The following ADAM18 variants were observed in gnomAD, a reference collection of about 807,000 sequenced individuals.
ADAM18 encodes disintegrin and metalloproteinase domain-containing protein 18.
In ADAM18, 117 loss-of-function variants were observed where a neutral mutation model predicts 94.4. That is an observed-to-expected ratio of 1.24 (90% CI 1.07 to 1.45). The LOEUF (loss-of-function observed/expected upper bound fraction) is 1.45. Ranked by LOEUF, ADAM18 falls within the 40% of genes most tolerant of loss-of-function variation. The pLI is 0.00. For missense variants in ADAM18, 936 were observed against 880.0 expected, an observed-to-expected ratio of 1.06 and a Z score of -0.81; for synonymous variants, 327 against 291.6, an observed-to-expected ratio of 1.12 and a Z score of -1.24.
At chr8:39,689,764 T>C (rs1316447940) in intron 16 of ADAM18, among the ~76,000 whole-genome samples, 8 of 152,332 alleles carry the variant, frequency 5.3e-5, no homozygotes, top group Admixed American at 2.6e-4. Context: ...GAGAGTGACA[T>C]TGAACCTAAA....
intron 12 of ADAM18, among the ~76,000 whole-genome samples, chr8:39,656,733 CAGACT>C (rs1820694971): frequency 6.6e-6 from 1 of 152,034 alleles, no homozygotes; most frequent in African/African-American, 2.4e-5. Context: ...AAGAAAATGA[CAGACT>C]TTCAGAGAAA....
intron 18 of ADAM18, 123 bp from the exon 19 acceptor site, chr8:39,723,625 C>A: frequency 1.7e-6 from 1 of 586,886 alleles, no homozygotes; most frequent in South Asian, 5.7e-5. Context: ...TTCTATTTTT[C>A]CTAGTAGTTT....
intron 14 of ADAM18, among the ~76,000 whole-genome samples, chr8:39,672,161 G>A (rs1410425039): frequency 1.3e-5 from 2 of 152,088 alleles, no homozygotes; most frequent in Non-Finnish European, 2.9e-5. Context: ...CAGGGAAGTG[G>A]GAATACTGTA....
At chr8:39,716,788 A>G (rs1329771474) in intron 18 of ADAM18, among the ~76,000 whole-genome samples, 1 of 151,836 alleles carries the variant, frequency 6.6e-6, no homozygotes, top group African/African-American at 2.4e-5. Flanking sequence ...ATTATTGAAC[A>G]TGTGACATTG....
intron 17 of ADAM18, among the ~76,000 whole-genome samples, chr8:39,705,717 AGAG>A (rs1442491316): frequency 6.6e-6 from 1 of 152,204 alleles, no homozygotes; most frequent in Non-Finnish European, 1.5e-5. Flanking sequence ...TATGTAGAAA[AGAG>A]GTAATCAATT....
intron 17 of ADAM18, among the ~76,000 whole-genome samples, chr8:39,706,401 T>C (rs1822242856): frequency 6.6e-6 from 1 of 152,250 alleles, no homozygotes; most frequent in South Asian, 2.1e-4. Flanking sequence ...TCTATAGACA[T>C]TGAAGTGCAT....
chr8:39,602,577 TTTTA>T (rs1818937551), intron 2 of ADAM18, among the ~76,000 whole-genome samples: 1 of 152,180 alleles, frequency 6.6e-6, no homozygotes, highest in Non-Finnish European at 1.5e-5. Context: ...TGGTCTAAGA[TTTTA>T]AAAATATACC....
At chr8:39,588,551 A>G (rs925546067) in intron 2 of ADAM18, among the ~76,000 whole-genome samples, 16 of 152,210 alleles carry the variant, frequency 1.1e-4, no homozygotes, top group African/African-American at 3.6e-4. Flanking sequence ...TTAGGATATT[A>G]CAGGAACTAT....
intron 2 of ADAM18, chr8:39,604,520 C>A (rs1408000254): frequency 6.6e-6 from 1 of 152,150 alleles, no homozygotes; most frequent in African/African-American, 2.4e-5. Context: ...GTGGATCCCT[C>A]ATGGCTTGGT....
intron 2 of ADAM18, among the ~76,000 whole-genome samples, chr8:39,586,743 A>G (rs886163579): frequency 6.7e-6 from 1 of 149,098 alleles, no homozygotes; most frequent in Non-Finnish European, 1.5e-5. Context: ...ACAAAAAACA[A>G]ACAAACAAAA....
intron 2 of ADAM18, among the ~76,000 whole-genome samples, chr8:39,599,555 A>G (rs1213827254): frequency 2.6e-5 from 4 of 152,160 alleles, no homozygotes; most frequent in Non-Finnish European, 4.4e-5. Flanking sequence ...ATGGGTTTAT[A>G]TATGTATATA....
At chr8:39,587,567 C>T (rs1349600608) in intron 2 of ADAM18, among the ~76,000 whole-genome samples, 1 of 152,186 alleles carries the variant, frequency 6.6e-6, no homozygotes, top group Non-Finnish European at 1.5e-5. Context: ...TCTTCACCCT[C>T]CTGAGTGGCT....
At chr8:39,709,865 T>C (rs1822347809) in intron 18 of ADAM18, among the ~76,000 whole-genome samples, 1 of 152,226 alleles carries the variant, frequency 6.6e-6, no homozygotes, top group African/African-American at 2.4e-5. Context: ...GATCAATGTG[T>C]TTTATGTATG....
At position 39,709,413 on chromosome 8, in the gene ADAM18, G is replaced by A. The variant is rs532347281; in HGVS notation, c.2017+2509G>A. On this transcript the variant is annotated intron_variant, in intron 18 of 19. Coordinates refer to ENST00000265707, the MANE Select transcript of ADAM18 (RefSeq NM_014237.3). ...ATAGGCACAGGATGGGGGTGGAATAGGACCATGGGTGGTTTAGGAAAAGGC... is the reference window on the plus strand; with the variant it reads ...ATAGGCACAGGATGGGGGTGGAATAAGACCATGGGTGGTTTAGGAAAAGGC... Among the ~76,000 whole-genome samples the A allele has an allele frequency of 2.6e-5, 4 of 152,260 alleles. No homozygotes were observed. In the East Asian group the frequency reaches 5.8e-4, roughly 22 times the overall value.
At chr8:39,601,765 A>G (rs558590440) in intron 2 of ADAM18, among the ~76,000 whole-genome samples, 115 of 152,328 alleles carry the variant, frequency 7.5e-4, no homozygotes, top group African/African-American at 2.7e-3. Flanking sequence ...TTATGCAACA[A>G]ATCTCTAGAA....
intron 17 of ADAM18, among the ~76,000 whole-genome samples, chr8:39,698,730 A>C (rs1422916703): frequency 6.6e-6 from 1 of 152,064 alleles, no homozygotes; most frequent in Non-Finnish European, 1.5e-5. Context: ...TGGCAGAAAT[A>C]GTGTGGGTCT....
At chr8:39,655,152 T>C (rs565074698) in intron 12 of ADAM18, among the ~76,000 whole-genome samples, 29 of 152,326 alleles carry the variant, frequency 1.9e-4, no homozygotes, top group Middle Eastern at 3.4e-3. Flanking sequence ...GGTAGTTTCA[T>C]ATTTTCAGGT....
intron 6 of ADAM18, among the ~76,000 whole-genome samples, chr8:39,628,918 A>G (rs990381630): frequency 6.6e-6 from 1 of 152,082 alleles, no homozygotes. Context: ...CCTATAAATC[A>G]TCAATTATTA....
At chr8:39,653,526 T>A (rs1820597598) in intron 12 of ADAM18, among the ~76,000 whole-genome samples, 1 of 152,158 alleles carries the variant, frequency 6.6e-6, no homozygotes, top group Admixed American at 6.5e-5. Context: ...ATCCATAATT[T>A]CACAACCTCT....
Sources: allele counts gnomAD v4.1 joint callset (sites outside exome capture counted in the v4.1 genomes callset), GRCh38; gene constraint gnomAD v4.1.1; transcripts MANE v1.5; gene names NCBI Gene and HGNC (gene_info 2026-07-23, HGNC 2026-07-21).